Variants in CPNE4 observed in about 807,000 individuals in gnomAD.
CPNE4 encodes copine-4.
A neutral mutation model predicts 67.9 loss-of-function variants in CPNE4; 25 were observed. The observed-to-expected ratio is 0.37, with a 90% CI of 0.27 to 0.51. CPNE4 has a LOEUF of 0.51. CPNE4 is among the 20% of genes least tolerant of loss of function. The pLI, the probability that CPNE4 is intolerant of heterozygous loss-of-function variation, is 0.93. For missense variants in CPNE4, 464 were observed against 690.8 expected, an observed-to-expected ratio of 0.67 and a Z score of 3.68; for synonymous variants, 242 against 244.9, an observed-to-expected ratio of 0.99 and a Z score of 0.11.
At chr3:131,955,587 T>C (rs753332115) in intron 1 of CPNE4, among the ~76,000 whole-genome samples, 1 of 151,824 alleles carries the variant, frequency 6.6e-6, no homozygotes, top group Admixed American at 6.6e-5. Flanking sequence ...GCCAAATGTA[T>C]AGAAGCATTA....
intron 2 of CPNE4, among the ~76,000 whole-genome samples, chr3:131,772,514 G>A (rs1027048005): frequency 6.6e-6 from 1 of 152,228 alleles, no homozygotes; most frequent in African/African-American, 2.4e-5. Flanking sequence ...ATCCCTATAT[G>A]CATCTCCTCG....
intron 8 of CPNE4, among the ~76,000 whole-genome samples, chr3:131,583,792 T>A (rs1157861943): frequency 1.3e-5 from 2 of 152,130 alleles, no homozygotes; most frequent in Admixed American, 1.3e-4. Context: ...GCTATGCACT[T>A]TACTTTCCCA....
At chr3:131,884,848 C>T (rs963432133) in intron 2 of CPNE4, among the ~76,000 whole-genome samples, 2 of 152,194 alleles carry the variant, frequency 1.3e-5, no homozygotes, top group African/African-American at 4.8e-5. Flanking sequence ...CCTTCTCCCA[C>T]AATTTTGAGG....
intron 6 of CPNE4, among the ~76,000 whole-genome samples, chr3:131,677,758 T>C (rs963135239): frequency 6.6e-6 from 1 of 152,144 alleles, no homozygotes; most frequent in African/African-American, 2.4e-5. Flanking sequence ...GTGGTCATAT[T>C]TCTGAGTTCT....
chr3:131,912,510 T>C (rs1483192164), intron 1 of CPNE4, among the ~76,000 whole-genome samples: 2 of 152,068 alleles, frequency 1.3e-5, no homozygotes, highest in Non-Finnish European at 2.9e-5. Context: ...CCATCACAAT[T>C]CAAGAAACGT....
chr3:132,006,869 T>C (rs1324254559), intron 1 of CPNE4, among the ~76,000 whole-genome samples: 1 of 152,144 alleles, frequency 6.6e-6, no homozygotes, highest in Non-Finnish European at 1.5e-5. Context: ...TGATACTGTA[T>C]TATCTCATTT....
intron 1 of CPNE4, among the ~76,000 whole-genome samples, chr3:131,984,580 T>C (rs983147183): frequency 7.2e-5 from 11 of 152,222 alleles, no homozygotes; most frequent in Admixed American, 3.3e-4. Flanking sequence ...TGAGCTACTA[T>C]AGATATCAGT....
intron 1 of CPNE4, among the ~76,000 whole-genome samples, chr3:132,001,570 A>AGAAAGAAG (rs2073442283): frequency 2.1e-5 from 3 of 145,342 alleles, no homozygotes; most frequent in African/African-American, 7.9e-5. Context: ...AAAGAAAGAA[A>AGAAAGAAG]GAAAGAAAGA....
rs75915862 is a variant in CPNE4 at position 131,853,106 on chromosome 3, C to A, written c.180+52158G>T. ...ACATTTCTATAAAAAGTCATGTGAT[C>A]TGTAAGAGCCAAAGCAATTTGAAAA... On this transcript the variant is annotated intron_variant, in intron 2 of 15. Coordinates refer to ENST00000429747, the MANE Select transcript of CPNE4 (RefSeq NM_130808.3). 1.9e-3 allele frequency among the ~76,000 whole-genome samples: 289 copies of A among 151,800 alleles called. 7 individuals are homozygous for A. The East Asian group carries it at 0.02, about 11-fold the overall frequency.
At chr3:131,660,579 G>T (rs754535901) in intron 7 of CPNE4, among the ~76,000 whole-genome samples, 2 of 152,128 alleles carry the variant, frequency 1.3e-5, no homozygotes, top group Non-Finnish European at 2.9e-5. Context: ...CCATCATCAC[G>T]GAAAGTTTTA....
At chr3:131,543,835 T>C (rs1185653487) in intron 14 of CPNE4, among the ~76,000 whole-genome samples, 1 of 152,196 alleles carries the variant, frequency 6.6e-6, no homozygotes, top group East Asian at 1.9e-4. Context: ...TGGCAGCTCT[T>C]CTCCAGGCAC....
chr3:131,647,482 T>G (rs2079695593), intron 7 of CPNE4, among the ~76,000 whole-genome samples: 1 of 152,204 alleles, frequency 6.6e-6, no homozygotes, highest in African/African-American at 2.4e-5. Context: ...CCGTCTCTAA[T>G]CTTGCCATGT....
At chr3:131,749,420 A>G (rs769806958) in intron 2 of CPNE4, among the ~76,000 whole-genome samples, 7 of 152,114 alleles carry the variant, frequency 4.6e-5, no homozygotes, top group Admixed American at 3.3e-4. Flanking sequence ...CAAATAATGT[A>G]CATGTTGCTG....
intron 7 of CPNE4, among the ~76,000 whole-genome samples, chr3:131,619,274 C>T (rs1053855613): frequency 7.2e-5 from 11 of 152,156 alleles, no homozygotes; most frequent in African/African-American, 2.7e-4. Flanking sequence ...GCAGGGAGAG[C>T]TCTGAAAGCC....
intron 1 of CPNE4, among the ~76,000 whole-genome samples, chr3:131,988,981 G>T (rs941430941): frequency 6.6e-6 from 1 of 152,094 alleles, no homozygotes; most frequent in Non-Finnish European, 1.5e-5. Context: ...CTTCCCTTTA[G>T]GACTCATAAA....
chr3:131,851,507 A>G (rs980913630), intron 2 of CPNE4, among the ~76,000 whole-genome samples: 13 of 152,100 alleles, frequency 8.5e-5, no homozygotes, highest in Admixed American at 2.6e-4. Flanking sequence ...AGGGGAGATT[A>G]ACATGTCAGT....
intron 2 of CPNE4, among the ~76,000 whole-genome samples, chr3:131,812,911 C>T (rs1399823002): frequency 6.6e-6 from 1 of 152,124 alleles, no homozygotes; most frequent in Non-Finnish European, 1.5e-5. Context: ...GAAAGAATAA[C>T]ATTTTAGGTA....
At chr3:131,699,850 G>T in intron 4 of CPNE4, 59 bp downstream of exon 4, 1 of 1,449,148 alleles carries the variant, frequency 6.9e-7, no homozygotes. Context: ...GGTTTGGGCT[G>T]GCCAGTCCGC....
chr3:131,777,543 A>G (rs1397299226), intron 2 of CPNE4, among the ~76,000 whole-genome samples: 2 of 152,110 alleles, frequency 1.3e-5, no homozygotes, highest in East Asian at 3.9e-4. Flanking sequence ...AAAGAAGCTC[A>G]GAGGATCCCA....
Sources: allele counts gnomAD v4.1 joint callset (sites outside exome capture counted in the v4.1 genomes callset), GRCh38; gene constraint gnomAD v4.1.1; transcripts MANE v1.5; gene names NCBI Gene and HGNC (gene_info 2026-07-23, HGNC 2026-07-21).